CFAP44: variants seen among roughly 807,000 people sequenced by gnomAD.
The protein encoded by CFAP44 is cilia and flagella associated protein 44, also known as cilia- and flagella-associated protein 44.
CFAP44 carries 134 observed loss-of-function variants against 216.2 expected under a neutral mutation model. The observed-to-expected ratio is 0.62, with a 90% CI of 0.54 to 0.72. The LOEUF (loss-of-function observed/expected upper bound fraction) is 0.72. Ranked by LOEUF, CFAP44 falls within the 30% of genes least tolerant of loss-of-function variation. CFAP44 has a pLI of 0.00. For missense variants in CFAP44, 2,035 were observed against 2,182.1 expected (o/e 0.93, Z 1.34); for synonymous variants, 700 against 727.6 (o/e 0.96, Z 0.61).
At chr3:113,295,577 C>T (rs1949872237) in intron 33 of CFAP44, among the ~76,000 whole-genome samples, 1 of 152,152 alleles carries the variant, frequency 6.6e-6, no homozygotes, top group Admixed American at 6.5e-5. Flanking sequence ...AGGAAGCTCT[C>T]CTCCTACCCC....
intron 15 of CFAP44, among the ~76,000 whole-genome samples, chr3:113,384,245 G>T (rs1332556429): frequency 6.6e-6 from 1 of 151,960 alleles, no homozygotes; most frequent in Non-Finnish European, 1.5e-5. Flanking sequence ...ATTTTTAGTA[G>T]AGACAGAGTT....
intron 2 of CFAP44, chr3:113,429,035 G>C (rs1163145135): frequency 1.3e-5 from 2 of 151,978 alleles, no homozygotes; most frequent in Admixed American, 1.3e-4. Context: ...GCCTACAAAT[G>C]CTATGGTTGC....
chr3:113,306,026 A>G (rs1231770277), intron 30 of CFAP44, among the ~76,000 whole-genome samples, 175 bp downstream of exon 30: 1 of 152,136 alleles, frequency 6.6e-6, no homozygotes, highest in African/African-American at 2.4e-5. Context: ...AAGTCCAATG[A>G]TCAAAAAAGC....
intron 30 of CFAP44, among the ~76,000 whole-genome samples, chr3:113,305,828 T>C (rs978398467): frequency 6.6e-6 from 1 of 152,354 alleles, no homozygotes; most frequent in Non-Finnish European, 1.5e-5. Flanking sequence ...TCTATTTCTA[T>C]TTATTTTTAT....
intron 5 of CFAP44, among the ~76,000 whole-genome samples, chr3:113,418,822 A>G (rs180839602): frequency 2.6e-5 from 4 of 152,102 alleles, no homozygotes; most frequent in Non-Finnish European, 4.4e-5. Context: ...TCTCTGCCTC[A>G]GGCTCCTGAG....
chr3:113,438,091 C>A (rs1243859086), intron 1 of CFAP44, among the ~76,000 whole-genome samples: 1 of 152,200 alleles, frequency 6.6e-6, no homozygotes, highest in Non-Finnish European at 1.5e-5. Flanking sequence ...CCAGATAATT[C>A]TTTCACACAA....
chr3:113,315,090 T>C lies in CFAP44; in HGVS notation c.4517-6822A>G, dbSNP rs116238200. On this transcript the variant is annotated intron_variant, in intron 28 of 34. Transcript: ENST00000393845. Reference sequence around the variant, plus strand: ...CAGACAAGCTCTAAAATACCAACAATTGTATTAAATGTAAATGGTTTAAAT... The same window carrying C: ...CAGACAAGCTCTAAAATACCAACAACTGTATTAAATGTAAATGGTTTAAAT... 8.9e-3 allele frequency among the ~76,000 whole-genome samples: 1,352 copies of C among 152,114 alleles called. 16 individuals carry two copies. Among genetic ancestry groups the C allele is most frequent in the African/African-American group, 0.03 (1,261 of 41,520 alleles).
At chr3:113,326,752 T>A in intron 27 of CFAP44, 112 bp from the exon 28 acceptor site, 1 of 586,058 alleles carries the variant, frequency 1.7e-6, no homozygotes, top group Non-Finnish European at 2.6e-6. Context: ...TTTTAAAACT[T>A]CTTAAAAGAA....
chr3:113,410,560 G>C (rs1158088581), intron 6 of CFAP44, among the ~76,000 whole-genome samples: 1 of 152,120 alleles, frequency 6.6e-6, no homozygotes, highest in Non-Finnish European at 1.5e-5. Flanking sequence ...ATGGACATTT[G>C]GGTTGGTTCC....
chr3:113,317,383 GGA>G (rs1330142051), intron 28 of CFAP44, among the ~76,000 whole-genome samples: 1 of 152,240 alleles, frequency 6.6e-6, no homozygotes, highest in Admixed American at 6.5e-5. Flanking sequence ...CTCCAAGCCA[GGA>G]GAGAGCAGGG....
At chr3:113,296,117 T>C (rs1949877494) in intron 33 of CFAP44, among the ~76,000 whole-genome samples, 1 of 152,140 alleles carries the variant, frequency 6.6e-6, no homozygotes, top group South Asian at 2.1e-4. Context: ...CATGTACCCA[T>C]TGTTTAGCTC....
At chr3:113,347,370 C>G (rs552401419) in intron 22 of CFAP44, among the ~76,000 whole-genome samples, 2 of 152,156 alleles carry the variant, frequency 1.3e-5, no homozygotes, top group African/African-American at 4.8e-5. Context: ...GTCACGTCGC[C>G]CAAGCAAGGC....
intron 19 of CFAP44, among the ~76,000 whole-genome samples, chr3:113,365,640 T>C (rs1950579918): frequency 6.6e-6 from 1 of 152,120 alleles, no homozygotes; most frequent in South Asian, 2.1e-4. Context: ...TTGCAACCCC[T>C]ATCAAAACCA....
intron 5 of CFAP44, among the ~76,000 whole-genome samples, 191 bp downstream of exon 5, chr3:113,419,826 G>A (rs1934759825): frequency 6.6e-6 from 1 of 152,192 alleles, no homozygotes; most frequent in South Asian, 2.1e-4. Context: ...AGTGCACAGA[G>A]GTAGTGACAG....
intron 26 of CFAP44, among the ~76,000 whole-genome samples, chr3:113,328,362 TC>T: frequency 6.7e-6 from 1 of 149,976 alleles, no homozygotes; most frequent in Non-Finnish European, 1.5e-5. Flanking sequence ...AGCCGAAGTA[TC>T]CCAAGTCCTG....
At chr3:113,397,834 G>A (rs140889873) in intron 13 of CFAP44, among the ~76,000 whole-genome samples, 34 of 152,272 alleles carry the variant, frequency 2.2e-4, no homozygotes, top group African/African-American at 6.5e-4. Flanking sequence ...GATTTAGAGA[G>A]AGGGATGATT....
intron 4 of CFAP44, among the ~76,000 whole-genome samples, chr3:113,423,411 A>G (rs1468225207): frequency 2.0e-5 from 3 of 152,104 alleles, no homozygotes; most frequent in Non-Finnish European, 4.4e-5. Flanking sequence ...AGGTGCTAGG[A>G]GTACAGGCCT....
Position 113,366,214 on chromosome 3 carries a change from T to C in CFAP44, c.2540A>G (p.Asp847Gly). 6.2e-7 allele frequency: 1 copy of C among 1,614,100 alleles called. No homozygotes were observed. The highest frequency in any genetic ancestry group is 8.5e-7 in the Non-Finnish European group (1 of 1,179,982). ...QNDPSLTSLV[D>G]YWHFNMHDNN... The stretch of plus-strand genomic sequence containing the variant: ...GTCATGCATATTGAAGTGCCAGTAG[T>C]CCACCAAACTGGTCAATGAAGGATC... Residue 847 changes from aspartate to glycine, a missense_variant, in exon 19 of 35, where the codon GAC becomes GGC. Transcript: ENST00000393845.
At chr3:113,363,769 T>A (rs17256418) in intron 19 of CFAP44, among the ~76,000 whole-genome samples, 1 of 152,170 alleles carries the variant, frequency 6.6e-6, no homozygotes, top group Non-Finnish European at 1.5e-5. Flanking sequence ...CTTAACCTAA[T>A]CATATGTTTG....
Sources: gnomAD v4.1 joint callset for allele counts (sites outside exome capture counted in the v4.1 genomes callset) on GRCh38, gnomAD v4.1.1 for gene constraint, MANE v1.5 for transcripts, NCBI Gene and HGNC (gene_info 2026-07-23, HGNC 2026-07-21) for gene names.